Variants in PIK3R5 observed in about 807,000 individuals in gnomAD.
The protein encoded by PIK3R5 is phosphoinositide 3-kinase regulatory subunit 5.
A neutral mutation model predicts 94.9 loss-of-function variants in PIK3R5; 32 were observed. The observed-to-expected ratio is 0.34, with a 90% CI of 0.25 to 0.45. The LOEUF is 0.45. Ranked by LOEUF, PIK3R5 falls within the 20% of genes least tolerant of loss-of-function variation. PIK3R5 has a pLI of 1.00. For synonymous variants in PIK3R5, 443 were observed against 479.4 expected (o/e 0.92, Z 0.99); for missense variants, 853 against 1,144.6 (o/e 0.75, Z 3.68).
chr17:8,950,640 C>T (rs8079611), intron 1 of PIK3R5, among the ~76,000 whole-genome samples: 104,665 of 152,072 alleles, frequency 0.69, 38,150 homozygotes, highest in Non-Finnish European at 0.82. Flanking sequence ...TTCTTTTTTA[C>T]GGCTGCATAG....
Position 8,925,308 on chromosome 17 carries a change from AGATG to A in PIK3R5, c.-13-13805_-13-13802del. On this transcript the variant is annotated intron_variant, in intron 1 of 18. Coordinates refer to ENST00000447110, the MANE Select transcript of PIK3R5 (RefSeq NM_001142633.3). The surrounding 1 kb of genome is among the most constrained non-coding windows in gnomAD (Gnocchi z 5.1). Reference sequence around the variant, plus strand: ...GTAGATGGATAGATAGATAGATAGTAGATGGATAGATAGTAGATGGATAGACAGT... The same window carrying A: ...GTAGATGGATAGATAGATAGATAGTAGATAGATAGTAGATGGATAGACAGT... Among the ~76,000 whole-genome samples the A allele has an allele frequency of 6.6e-6, 1 of 151,906 alleles. No individual in the cohort carries two copies. Among genetic ancestry groups the A allele is most frequent in the East Asian group, 1.9e-4 (1 of 5,192 alleles).
At chr17:8,902,041 T>C (rs1365161829) in intron 5 of PIK3R5, among the ~76,000 whole-genome samples, 11 of 152,028 alleles carry the variant, frequency 7.2e-5, no homozygotes, top group Admixed American at 3.9e-4. Flanking sequence ...GCATTTTTGT[T>C]CTTTCTTTTT....
In PIK3R5 at chr17:8,946,191, C is replaced by T. The variant is rs117335539; in HGVS notation, c.-14+19405G>A. Among the ~76,000 whole-genome samples the T allele has an allele frequency of 1.2e-3, 180 of 152,064 alleles. 1 individual carries two copies. The highest frequency in any genetic ancestry group is 2.6e-3 in the Admixed American group (40 of 15,280). On this transcript the variant is annotated intron_variant, in intron 1 of 18. Transcript: ENST00000447110. ...CACAGCAATGTATCTGGAACATACA[C>T]ATCTGGTGTGACTGCCAGCCCCTTA...
chr17:8,880,272 A>C lies in PIK3R5; in HGVS notation c.*367T>G, dbSNP rs2089621285. On this transcript the variant is annotated 3_prime_UTR_variant, in exon 19 of 19. Coordinates refer to ENST00000447110, the MANE Select transcript of PIK3R5 (RefSeq NM_001142633.3). Reference sequence around the variant, plus strand: ...GGCAAAGTAAGGGGTAGGCTCAGCCAAGGTTGAGAGAAAAGGCCCAAGCCA... The same window carrying C: ...GGCAAAGTAAGGGGTAGGCTCAGCCCAGGTTGAGAGAAAAGGCCCAAGCCA... The C allele has an allele frequency of 5.5e-6, 1 of 182,646 alleles. No individual in the cohort carries two copies. Among genetic ancestry groups the C allele is most frequent in the Non-Finnish European group, 1.1e-5 (1 of 88,826 alleles). 11.3% of individuals were successfully genotyped at this position (182,646 alleles called of 1,614,324 possible). A position where few individuals can be genotyped will look rare whatever the true frequency, so the allele number is the denominator to read the frequency against.
chr17:8,939,555 T>C (rs908366562), intron 1 of PIK3R5, among the ~76,000 whole-genome samples: 3 of 152,194 alleles, frequency 2.0e-5, no homozygotes, highest in African/African-American at 7.2e-5. Flanking sequence ...GTAAAGAGCA[T>C]GAATGACATT....
chr17:8,938,693 C>T (rs924828904), intron 1 of PIK3R5, among the ~76,000 whole-genome samples: 3 of 152,162 alleles, frequency 2.0e-5, no homozygotes, highest in Admixed American at 1.3e-4. Flanking sequence ...TCATCCATGT[C>T]GTAGTATGTA....
At chr17:8,941,113 T>C (rs1010450484) in intron 1 of PIK3R5, among the ~76,000 whole-genome samples, 1 of 152,236 alleles carries the variant, frequency 6.6e-6, no homozygotes, top group East Asian at 1.9e-4. Flanking sequence ...CCACTCCAGC[T>C]GTCCCAGTTG....
At chr17:8,962,921 C>A (rs1016267031) in intron 1 of PIK3R5, among the ~76,000 whole-genome samples, 4 of 152,206 alleles carry the variant, frequency 2.6e-5, no homozygotes, top group Admixed American at 6.5e-5. Context: ...AATTAAACAC[C>A]TCTCCCTTGA....
At chr17:8,958,667 T>C (rs536856934) in intron 1 of PIK3R5, among the ~76,000 whole-genome samples, 10 of 152,270 alleles carry the variant, frequency 6.6e-5, no homozygotes, top group African/African-American at 2.2e-4. Flanking sequence ...TTGCAGACTT[T>C]TGTGGCAAAG....
chr17:8,885,232 A>C (rs2089790094), intron 14 of PIK3R5: 7 of 171,324 alleles, frequency 4.1e-5, no homozygotes, highest in South Asian at 7.3e-5. Context: ...CCCCCTTCCC[A>C]TGGTCCTGCC....
At chr17:8,894,096 T>C (rs748373258) in intron 5 of PIK3R5, among the ~76,000 whole-genome samples, 2 of 152,178 alleles carry the variant, frequency 1.3e-5, no homozygotes, top group East Asian at 3.9e-4. Context: ...CAGGTCACTT[T>C]AGCCCTGGGC....
At chr17:8,924,916 A>T (rs1376406995) in intron 1 of PIK3R5, among the ~76,000 whole-genome samples, 2 of 152,222 alleles carry the variant, frequency 1.3e-5, no homozygotes, top group African/African-American at 2.4e-5. Context: ...AACTCTCTAG[A>T]TCTCTAATGG....
chr17:8,943,568 C>T (rs146829153), intron 1 of PIK3R5, among the ~76,000 whole-genome samples: 4,106 of 152,180 alleles, frequency 0.027, 57 homozygotes, highest in Middle Eastern at 0.068. Context: ...GTCAGGAGTT[C>T]GAGACCAGCC....
Position 8,891,541 on chromosome 17 carries a change from T to C in PIK3R5, c.483-629A>G, listed in dbSNP as rs185817909. 2.5e-3 allele frequency among the ~76,000 whole-genome samples: 377 copies of C among 152,234 alleles called. 1 individual carries two copies. The highest frequency in any genetic ancestry group is 8.3e-3 in the African/African-American group (346 of 41,548). ...CACTGCTACCTCCCTTCCCGATGGA[T>C]ACCCAGATTCCCTCTTGGTGCCAGT... On this transcript the variant is annotated intron_variant, in intron 6 of 18. Transcript: ENST00000447110.
intron 1 of PIK3R5, among the ~76,000 whole-genome samples, chr17:8,923,598 A>C (rs1431942632): frequency 6.6e-6 from 1 of 152,202 alleles, no homozygotes; most frequent in Non-Finnish European, 1.5e-5. Flanking sequence ...CCAGAGGAAG[A>C]CTATAACAAT....
In PIK3R5 at chr17:8,880,735, T is replaced by A. The variant is rs2089633176; in HGVS notation, c.2547A>T (p.Pro849=). 1.2e-6 allele frequency: 2 copies of A among 1,613,506 alleles called. No homozygotes were observed. The highest frequency in any genetic ancestry group is 1.7e-6 in the Non-Finnish European group (2 of 1,179,774). ...CCGGCAGGTCAGGAGGCGTCTGGGG[T>A]GGTGAGGAGAGGTCGCTCTTCTCTG... is the stretch of plus-strand genomic sequence containing the variant. ...YKPEKSDLSS[P]PQTPPDLPAQ... The change falls in exon 19 of 19, where the codon CCA becomes CCT. Residue 849 remains proline (P), a synonymous_variant. Transcript: ENST00000447110.
chr17:8,927,129 C>A (rs1194435644), intron 1 of PIK3R5, among the ~76,000 whole-genome samples: 1 of 152,182 alleles, frequency 6.6e-6, no homozygotes, highest in African/African-American at 2.4e-5. Flanking sequence ...AGATTCCAGA[C>A]TTGGAGCTGA....
At chr17:8,946,862 C>T (rs2151465669) in intron 1 of PIK3R5, among the ~76,000 whole-genome samples, 1 of 152,206 alleles carries the variant, frequency 6.6e-6, no homozygotes, top group African/African-American at 2.4e-5. Flanking sequence ...AGGAGGACTC[C>T]TGACAAGCCC....
At chr17:8,915,495 C>T (rs945777397) in intron 1 of PIK3R5, among the ~76,000 whole-genome samples, 33 of 152,108 alleles carry the variant, frequency 2.2e-4, no homozygotes, top group African/African-American at 1.2e-4. Context: ...CCAGCTGCCC[C>T]GCACAGCCCT....
Sources: gnomAD v4.1 joint callset for allele counts (sites outside exome capture counted in the v4.1 genomes callset) on GRCh38, gnomAD v4.1.1 for gene constraint, Gnocchi (gnomAD v3.1) non-coding constraint, MANE v1.5 for transcripts, NCBI Gene and HGNC (gene_info 2026-07-23, HGNC 2026-07-21) for gene names.